Variants in AGMO observed in about 807,000 individuals in gnomAD.
AGMO encodes the protein alkylglycerol monooxygenase.
A neutral mutation model predicts 60.2 loss-of-function variants in AGMO; 75 were observed. The observed-to-expected ratio is 1.25, with a 90% CI of 1.03 to 1.51. AGMO has a LOEUF of 1.51. Ranked by LOEUF, AGMO falls within the 40% of genes most tolerant of loss-of-function variation. The pLI is 0.00. For missense variants in AGMO, 763 were observed against 525.5 expected, an observed-to-expected ratio of 1.45 and a Z score of -4.42; for synonymous variants, 261 against 177.1, an observed-to-expected ratio of 1.47 and a Z score of -3.76.
intron 3 of AGMO, among the ~76,000 whole-genome samples, chr7:15,439,632 G>A (rs997734044): frequency 3.3e-5 from 5 of 152,178 alleles, no homozygotes; most frequent in Non-Finnish European, 7.4e-5. Flanking sequence ...ATTGTTTCTG[G>A]CCTTACACCC....
rs59568015 is a variant in AGMO, at chr7:15,302,083, G to C, written c.1263+63431C>G. 6.9e-3 allele frequency among the ~76,000 whole-genome samples: 1,045 copies of C among 152,178 alleles called. 17 individuals are homozygous for C. Among genetic ancestry groups the C allele is most frequent in the African/African-American group, 0.024 (1,002 of 41,528 alleles). The stretch of plus-strand genomic sequence containing the variant: ...AACCCTTTGTGGTACATACAAGTTT[G>C]CCTGTTTTTGCTAGCATTTTGTTTT... On this transcript the variant is annotated intron_variant, in intron 12 of 12. Coordinates refer to ENST00000342526, the MANE Select transcript of AGMO (RefSeq NM_001004320.2).
chr7:15,168,366 C>T, the AGMO span, among the ~76,000 whole-genome samples: 1 of 152,182 alleles, frequency 6.6e-6, no homozygotes, highest in South Asian at 2.1e-4. Flanking sequence ...GGCTTTATAG[C>T]CCTGTAATAC....
intron 10 of AGMO, among the ~76,000 whole-genome samples, 153 bp downstream of exon 10, chr7:15,385,293 A>T (rs1437258582): frequency 6.6e-6 from 1 of 152,202 alleles, no homozygotes; most frequent in Non-Finnish European, 1.5e-5. Flanking sequence ...AGTCTAGAAG[A>T]TTTGTTTTAC....
intron 12 of AGMO, among the ~76,000 whole-genome samples, chr7:15,219,506 A>T (rs575061916): frequency 4.9e-4 from 74 of 152,194 alleles, no homozygotes; most frequent in African/African-American, 1.5e-3. Context: ...TTTTTTTTTA[A>T]AAGAAATTAA....
At chr7:15,354,390 G>A (rs867981769) in intron 12 of AGMO, among the ~76,000 whole-genome samples, 3,512 of 37,274 alleles carry the variant, frequency 0.094, 425 homozygotes, top group African/African-American at 0.26. Flanking sequence ...ACACGTGTGT[G>A]TATACACGTG....
chr7:15,379,437 T>C (rs1783588629), intron 10 of AGMO, among the ~76,000 whole-genome samples: 1 of 152,064 alleles, frequency 6.6e-6, no homozygotes, highest in Non-Finnish European at 1.5e-5. Flanking sequence ...TTATTATCAA[T>C]GACCCCACAG....
At chr7:15,253,047 A>T (rs189673474) in intron 12 of AGMO, among the ~76,000 whole-genome samples, 5 of 152,342 alleles carry the variant, frequency 3.3e-5, no homozygotes, top group Non-Finnish European at 1.5e-5. Context: ...ATTAAATTTG[A>T]TAAATGGGCA....
intron 3 of AGMO, among the ~76,000 whole-genome samples, chr7:15,451,204 G>C (rs1781847428): frequency 6.6e-6 from 1 of 152,076 alleles, no homozygotes; most frequent in Non-Finnish European, 1.5e-5. Context: ...ATACATATTT[G>C]TCAGTGGAAA....
At chr7:15,435,937 T>C (rs1449403645) in intron 3 of AGMO, among the ~76,000 whole-genome samples, 2 of 152,130 alleles carry the variant, frequency 1.3e-5, no homozygotes, top group Non-Finnish European at 2.9e-5. Flanking sequence ...ATTCAAGACA[T>C]AAAGACAAGT....
At chr7:15,145,741 C>T in the AGMO span, among the ~76,000 whole-genome samples, 2 of 152,124 alleles carry the variant, frequency 1.3e-5, no homozygotes, top group South Asian at 2.1e-4. Context: ...GATTATTACC[C>T]GTAGGTTTTT....
At chr7:15,187,554 T>C in the AGMO span, among the ~76,000 whole-genome samples, 3 of 152,194 alleles carry the variant, frequency 2.0e-5, no homozygotes, top group Non-Finnish European at 4.4e-5. Context: ...AGTGTCCATA[T>C]TTGAAAAGCA....
chr7:15,533,447 T>C (rs553394315), intron 3 of AGMO, among the ~76,000 whole-genome samples: 1 of 152,260 alleles, frequency 6.6e-6, no homozygotes, highest in South Asian at 2.1e-4. Flanking sequence ...AATTTTTAAA[T>C]TTGTTTTACA....
intron 12 of AGMO, among the ~76,000 whole-genome samples, chr7:15,342,777 T>C (rs1781897167): frequency 5.8e-5 from 2 of 34,636 alleles, no homozygotes; most frequent in Non-Finnish European, 9.2e-5. Context: ...ACAGTATAGC[T>C]GCAAAAAAAA....
At chr7:15,223,846 C>T (rs916488604) in intron 12 of AGMO, among the ~76,000 whole-genome samples, 3 of 151,654 alleles carry the variant, frequency 2.0e-5, no homozygotes, top group African/African-American at 7.3e-5. Flanking sequence ...TTAATTAATC[C>T]TTGACAAAAT....
At chr7:15,378,851 T>C (rs1783563513) in intron 10 of AGMO, among the ~76,000 whole-genome samples, 1 of 150,998 alleles carries the variant, frequency 6.6e-6, no homozygotes, top group Non-Finnish European at 1.5e-5. Flanking sequence ...CTAAAATCAA[T>C]CACAAAAATG....
chr7:15,141,193 CT>C, the AGMO span, among the ~76,000 whole-genome samples: 1 of 152,160 alleles, frequency 6.6e-6, no homozygotes, highest in Non-Finnish European at 1.5e-5. Flanking sequence ...GTAGGACAGG[CT>C]GCAGTTTCAG....
chr7:15,406,736 C>T (rs1158557770), intron 5 of AGMO, among the ~76,000 whole-genome samples: 10 of 71,620 alleles, frequency 1.4e-4, no homozygotes, highest in East Asian at 1.4e-3. Context: ...TACACACATA[C>T]ATATGAATAT....
the AGMO span, among the ~76,000 whole-genome samples, chr7:15,165,830 A>T: frequency 1.3e-5 from 2 of 152,216 alleles, no homozygotes; most frequent in African/African-American, 4.8e-5. Context: ...TGTTCATTAA[A>T]GATTAAAATA....
rs765222435 is a variant in AGMO, at chr7:15,292,751, CTTTTT to C, written c.1263+72758_1263+72762del. On this transcript the variant is annotated intron_variant, in intron 12 of 12. Transcript: ENST00000342526. ...AATACAGTCTCCTCCTTTTTTTTTC[CTTTTT>C]TTTTTTTTTTTTTTTTTTGAGACAT... Among the ~76,000 whole-genome samples, 271 of 95,094 alleles carry C rather than the reference CTTTTT, an allele frequency of 2.8e-3. 2 individuals carry two copies. The highest frequency in any genetic ancestry group is 5.9e-3 in the Admixed American group (43 of 7,300). 62.4% of individuals were successfully genotyped at this position (95,094 alleles called of 152,430 possible).
Sources: allele counts gnomAD v4.1 joint callset (sites outside exome capture counted in the v4.1 genomes callset), GRCh38; gene constraint gnomAD v4.1.1; transcripts MANE v1.5; gene names NCBI Gene and HGNC (gene_info 2026-07-23, HGNC 2026-07-21).